DEXI: variants seen among roughly 807,000 people sequenced by gnomAD.
DEXI encodes the protein Dexi homolog.
Under a neutral mutation model 2.5 loss-of-function variants are expected in DEXI, and 2 were observed. That is an observed-to-expected ratio of 0.81 (90% CI 0.33 to 2.55). The LOEUF (loss-of-function observed/expected upper bound fraction) is 2.55. Ranked by LOEUF, DEXI falls within the 30% of genes most tolerant of loss-of-function variation. The probability of loss-of-function intolerance (pLI) is 0.11; values close to 1 mark genes in which losing one functional copy is unlikely to be tolerated. For synonymous variants in DEXI, 71 were observed against 68.7 expected, an observed-to-expected ratio of 1.03 and a Z score of -0.17; for missense variants, 108 against 130.3, an observed-to-expected ratio of 0.83 and a Z score of 0.83.
In DEXI at chr16:10,929,650, G is replaced by A. The variant is rs2040691718; in HGVS notation, c.*150-91C>T. On this transcript the variant is annotated intron_variant, in intron 1 of 1. Transcript: ENST00000331808. The surrounding 1 kb of genome is among the most constrained non-coding windows in gnomAD (Gnocchi z 4.3). ...GACAGGGACCAATCCACCAGGCTCG[G>A]GAGGCTTGGGGTGGGGCAGGGAAGT... is the stretch of plus-strand genomic sequence containing the variant. The A allele has an allele frequency of 2.5e-6, 2 of 813,778 alleles. No individual in the cohort carries two copies. The highest frequency in any genetic ancestry group is 1.9e-5 in the African/African-American group (1 of 53,814). The allele number at this position is 813,778 out of a possible 1,614,324, so 50.4% of individuals were successfully genotyped here. A position where few individuals can be genotyped will look rare whatever the true frequency, so the allele number is the denominator to read the frequency against.
chr16:10,941,699 G>T lies in DEXI; in HGVS notation c.*19C>A. ...GGGTTGCGGATCGTGTAGGGAAGAG[G>T]GGAACAGCAGTCGAGACCCTACTCC... On this transcript the variant is annotated 3_prime_UTR_variant, in exon 1 of 2. Transcript: ENST00000331808. The surrounding 1 kb of genome is among the most constrained non-coding windows in gnomAD (Gnocchi z 6.4). The T allele has an allele frequency of 6.3e-7, 1 of 1,592,502 alleles. No homozygotes were observed. Among genetic ancestry groups the T allele is most frequent in the Non-Finnish European group, 8.6e-7 (1 of 1,168,296 alleles).
intron 1 of DEXI, chr16:10,932,999 T>C (rs1225370497): frequency 2.0e-5 from 3 of 152,218 alleles, no homozygotes; most frequent in African/African-American, 7.2e-5. Context: ...GCACCACGGA[T>C]TGAACAAGTT....
At position 10,937,021 on chromosome 16, in the gene DEXI, G is replaced by C. The variant is rs1375813490; in HGVS notation, c.*149+4548C>G. On this transcript the variant is annotated intron_variant, in intron 1 of 1. Coordinates refer to ENST00000331808, the MANE Select transcript of DEXI (RefSeq NM_014015.4). This position sits in a 1 kb window ranked among gnomAD's most constrained non-coding sequence, Gnocchi z 4.2. ...GCTGTAAGTGGGGCAGACCCTGCCTGTTTCTTGGCTGAAATCTCCAGTTTG... is the reference window on the plus strand; with the variant it reads ...GCTGTAAGTGGGGCAGACCCTGCCTCTTTCTTGGCTGAAATCTCCAGTTTG... The C allele has an allele frequency of 6.6e-6, 1 of 152,226 alleles. No homozygotes were observed. The highest frequency in any genetic ancestry group is 1.5e-5 in the Non-Finnish European group (1 of 68,044). The allele number at this position is 152,226 out of a possible 1,614,324, so 9.4% of individuals were successfully genotyped here.
intron 1 of DEXI, chr16:10,932,949 A>G (rs980948588): frequency 1.3e-5 from 2 of 152,154 alleles, no homozygotes; most frequent in Non-Finnish European, 2.9e-5. Context: ...GTGTTGGGCC[A>G]CAGTCAAAGC....
In DEXI at chr16:10,939,074, G is replaced by C. The variant is rs1380388418; in HGVS notation, c.*149+2495C>G. ...TGGCAGAAGAGCAGGCAGGGTCAAA[G>C]TCTGTTGAATGAGTGAGTGCATATG... On this transcript the variant is annotated intron_variant, in intron 1 of 1. Coordinates refer to ENST00000331808, the MANE Select transcript of DEXI (RefSeq NM_014015.4). This position sits in a 1 kb window ranked among gnomAD's most constrained non-coding sequence, Gnocchi z 4.9. The C allele has an allele frequency of 6.6e-6, 1 of 152,212 alleles. No homozygotes were observed. Among genetic ancestry groups the C allele is most frequent in the Non-Finnish European group, 1.5e-5 (1 of 68,036 alleles). The allele number at this position is 152,212 out of a possible 1,614,324, so 9.4% of individuals were successfully genotyped here. A position where few individuals can be genotyped will look rare whatever the true frequency, so the allele number is the denominator to read the frequency against.
chr16:10,941,482 GA>G lies in DEXI; in HGVS notation c.*149+86del. 7.8e-7 allele frequency: 1 copy of G among 1,281,846 alleles called. No homozygotes were observed. Among genetic ancestry groups the G allele is most frequent in the Non-Finnish European group, 1.0e-6 (1 of 989,960 alleles). The allele number at this position is 1,281,846 out of a possible 1,614,324, so 79.4% of individuals were successfully genotyped here. ...AGGTGAACGGAGGAGAAGCCTGAGGGAGGGGTGTGTATCCGGCCTGGGAATT... is the reference window on the plus strand; with the variant it reads ...AGGTGAACGGAGGAGAAGCCTGAGGGGGGGTGTGTATCCGGCCTGGGAATT... On this transcript the variant is annotated intron_variant, in intron 1 of 1. Transcript: ENST00000331808. This position sits in a 1 kb window ranked among gnomAD's most constrained non-coding sequence, Gnocchi z 6.4.
intron 1 of DEXI, chr16:10,931,705 G>A (rs2040802946): frequency 6.6e-6 from 1 of 152,120 alleles, no homozygotes; most frequent in Non-Finnish European, 1.5e-5. Context: ...TGGCGAAACC[G>A]CGTCTCTACT....
rs1371025632 is a variant in DEXI, at chr16:10,941,796, G to A, written c.210C>T (p.Leu70=). 16 of 1,613,678 alleles carry A rather than the reference G, an allele frequency of 9.9e-6. No homozygotes were observed. The highest frequency in any genetic ancestry group is 4.5e-5 in the East Asian group (2 of 44,892). The part of the protein sequence containing the change: ...PEDMDQALVD[L]GVLSDPGSGL... ...CCGAGCCGGGGTCGGAGAGCACGCC[G>A]AGGTCCACGAGCGCCTGGTCCATGT... The change falls in exon 1 of 2, where the codon CTC becomes CTT. Residue 70 remains leucine, a synonymous_variant. Transcript: ENST00000331808. The surrounding 1 kb of genome is among the most constrained non-coding windows in gnomAD (Gnocchi z 6.4).
chr16:10,931,877 T>A (rs2040813415), intron 1 of DEXI: 1 of 152,112 alleles, frequency 6.6e-6, no homozygotes, highest in African/African-American at 2.4e-5. Flanking sequence ...GGTGACAGAG[T>A]GAGACTCTGT....
rs903359274 is a variant in DEXI, at chr16:10,938,983, C to CAA, written c.*149+2584_*149+2585dup. On this transcript the variant is annotated intron_variant, in intron 1 of 1. Transcript: ENST00000331808. This position sits in a 1 kb window ranked among gnomAD's most constrained non-coding sequence, Gnocchi z 4.9. Reference sequence around the variant, plus strand: ...CGTTCCTCACCAAGTTACACTGCTTCAAAGTCAAATGCTTGGCTTGGAGAC... The same window carrying CAA: ...CGTTCCTCACCAAGTTACACTGCTTCAAAAAGTCAAATGCTTGGCTTGGAGAC... 5 of 152,208 alleles carry CAA rather than the reference C, an allele frequency of 3.3e-5. No homozygotes were observed. The highest frequency in any genetic ancestry group is 7.3e-5 in the Non-Finnish European group (5 of 68,034). 9.4% of individuals were successfully genotyped at this position (152,208 alleles called of 1,614,324 possible). A position where few individuals can be genotyped will look rare whatever the true frequency, so the allele number is the denominator to read the frequency against.
In DEXI at chr16:10,941,610, C is replaced by CCCCGTCCAGATGGTGCCCCAA; in HGVS notation, c.*107_*108insTTGGGGCACCATCTGGACGGG. ...GGAGGGTCTCCTCCTGGGGAACCAT[C>CCCCGTCCAGATGGTGCCCCAA]CCCGTCCAGATGGTGCCCCCAACCA... is the stretch of plus-strand genomic sequence containing the variant. On this transcript the variant is annotated 3_prime_UTR_variant, in exon 1 of 2. Coordinates refer to ENST00000331808, the MANE Select transcript of DEXI (RefSeq NM_014015.4). The surrounding 1 kb of genome is among the most constrained non-coding windows in gnomAD (Gnocchi z 6.4). The CCCCGTCCAGATGGTGCCCCAA allele has an allele frequency of 6.7e-7, 1 of 1,502,258 alleles. No individual in the cohort carries two copies. Among genetic ancestry groups the CCCCGTCCAGATGGTGCCCCAA allele is most frequent in the East Asian group, 2.3e-5 (1 of 42,836 alleles). 93.1% of individuals were successfully genotyped at this position (1,502,258 alleles called of 1,614,324 possible). A position where few individuals can be genotyped will look rare whatever the true frequency, so the allele number is the denominator to read the frequency against.
At chr16:10,931,328 C>T (rs1393719252) in intron 1 of DEXI, 1 of 152,758 alleles carries the variant, frequency 6.5e-6, no homozygotes, top group Non-Finnish European at 1.5e-5. Flanking sequence ...AAGATGGAAT[C>T]ACTCGGTGAG....
In DEXI at chr16:10,942,041, G is replaced by C; in HGVS notation, c.-36C>G. 5.9e-6 allele frequency: 8 copies of C among 1,359,684 alleles called. No homozygotes were observed. The highest frequency in any genetic ancestry group is 7.6e-6 in the Non-Finnish European group (8 of 1,058,960). The allele number at this position is 1,359,684 out of a possible 1,614,324, so 84.2% of individuals were successfully genotyped here. On this transcript the variant is annotated 5_prime_UTR_variant, in exon 1 of 2. Transcript: ENST00000331808. The surrounding 1 kb of genome is among the most constrained non-coding windows in gnomAD (Gnocchi z 5.0). ...GCAAGGGCGGCGGCCCGGCGATCCCGGCGAACTCAGCCGCTGCGGCGCCCG... is the reference window on the plus strand; with the variant it reads ...GCAAGGGCGGCGGCCCGGCGATCCCCGCGAACTCAGCCGCTGCGGCGCCCG...
chr16:10,941,495 C>T lies in DEXI; in HGVS notation c.*149+74G>A, dbSNP rs574034542. ...AGAAGCCTGAGGGAGGGGTGTGTAT[C>T]CGGCCTGGGAATTCCTCCCTCTCCC... On this transcript the variant is annotated intron_variant, in intron 1 of 1. Transcript: ENST00000331808. This position sits in a 1 kb window ranked among gnomAD's most constrained non-coding sequence, Gnocchi z 6.4. 4.1e-5 allele frequency: 55 copies of T among 1,346,894 alleles called. No individual in the cohort carries two copies. The highest frequency in any genetic ancestry group is 4.0e-4 in the African/African-American group (27 of 67,282). The allele number at this position is 1,346,894 out of a possible 1,614,324, so 83.4% of individuals were successfully genotyped here.
At chr16:10,935,225 A>T (rs998768810) in intron 1 of DEXI, 6 of 152,264 alleles carry the variant, frequency 3.9e-5, no homozygotes, top group African/African-American at 1.4e-4. Flanking sequence ...TAGAGGGTAT[A>T]CGGAGGTGAC....
intron 1 of DEXI, chr16:10,932,988 C>T (rs1313667511): frequency 6.6e-6 from 1 of 152,166 alleles, no homozygotes; most frequent in Admixed American, 6.5e-5. Flanking sequence ...GCCTACAGGC[C>T]GCACCACGGA....
Position 10,937,807 on chromosome 16 carries a change from C to A in DEXI, c.*149+3762G>T, listed in dbSNP as rs1190748092. 9.2e-5 allele frequency: 14 copies of A among 152,210 alleles called. No individual in the cohort carries two copies. Among genetic ancestry groups the A allele is most frequent in the Non-Finnish European group, 2.9e-5 (2 of 68,062 alleles). 9.4% of individuals were successfully genotyped at this position (152,210 alleles called of 1,614,324 possible). On this transcript the variant is annotated intron_variant, in intron 1 of 1. Coordinates refer to ENST00000331808, the MANE Select transcript of DEXI (RefSeq NM_014015.4). The surrounding 1 kb of genome is among the most constrained non-coding windows in gnomAD (Gnocchi z 4.2). Reference sequence around the variant, plus strand: ...CGATTCCCCATTCCCTGCTCCTGGGCAACAATTAACACTCTAGGAAAACCA... The same window carrying A: ...CGATTCCCCATTCCCTGCTCCTGGGAAACAATTAACACTCTAGGAAAACCA...
At position 10,934,385 on chromosome 16, in the gene DEXI, T is replaced by C. The variant is rs1487914743; in HGVS notation, c.*150-4826A>G. On this transcript the variant is annotated intron_variant, in intron 1 of 1. Transcript: ENST00000331808. This position sits in a 1 kb window ranked among gnomAD's most constrained non-coding sequence, Gnocchi z 4.2. ...TGAAAATGGAACCAGGAAGTCTAGCTTGATACCCTTGGCCTGTATAACTGA... is the reference window on the plus strand; with the variant it reads ...TGAAAATGGAACCAGGAAGTCTAGCCTGATACCCTTGGCCTGTATAACTGA... 1 of 152,266 alleles carries C rather than the reference T, an allele frequency of 6.6e-6. No individual in the cohort carries two copies. Among genetic ancestry groups the C allele is most frequent in the African/African-American group, 2.4e-5 (1 of 41,464 alleles). 9.4% of individuals were successfully genotyped at this position (152,266 alleles called of 1,614,324 possible). A position where few individuals can be genotyped will look rare whatever the true frequency, so the allele number is the denominator to read the frequency against.
In DEXI at chr16:10,941,155, T is replaced by C. The variant is rs1323029378; in HGVS notation, c.*149+414A>G. 3 of 153,008 alleles carry C rather than the reference T, an allele frequency of 2.0e-5. No individual in the cohort carries two copies. Among genetic ancestry groups the C allele is most frequent in the Non-Finnish European group, 4.4e-5 (3 of 68,642 alleles). 9.5% of individuals were successfully genotyped at this position (153,008 alleles called of 1,614,324 possible). On this transcript the variant is annotated intron_variant, in intron 1 of 1. Transcript: ENST00000331808. The surrounding 1 kb of genome is among the most constrained non-coding windows in gnomAD (Gnocchi z 6.4). ...TGATTCGTGCCTGGCTCCCTGTGTC[T>C]TCTGACACCCCTAAATCTTTATCCT...
Sources: gnomAD v4.1 joint callset for allele counts on GRCh38, gnomAD v4.1.1 for gene constraint, Gnocchi (gnomAD v3.1) non-coding constraint, MANE v1.5 for transcripts, NCBI Gene and HGNC (gene_info 2026-07-23, HGNC 2026-07-21) for gene names.